Variants in GRIN2B observed in about 807,000 individuals in gnomAD.
The protein encoded by GRIN2B is glutamate receptor ionotropic, NMDA 2B.
GRIN2B carries 5 observed loss-of-function variants against 114.5 expected under a neutral mutation model. The observed-to-expected ratio is 0.04, with a 90% CI of 0.02 to 0.09. The LOEUF is 0.09. Ranked by LOEUF, GRIN2B falls within the 10% of genes least tolerant of loss-of-function variation. The pLI is 1.00. For synonymous variants in GRIN2B, 787 were observed against 745.1 expected (o/e 1.06, Z -0.92); for missense variants, 1,108 against 1,943.5 (o/e 0.57, Z 8.08).
intron 5 of GRIN2B, among the ~76,000 whole-genome samples, chr12:13,621,200 A>T (rs1949508943): frequency 6.6e-6 from 1 of 152,220 alleles, no homozygotes; most frequent in Admixed American, 6.5e-5. Context: ...AAGAGCAATG[A>T]AAAATAGTAA....
At chr12:13,835,465 A>G (rs528924419) in intron 3 of GRIN2B, among the ~76,000 whole-genome samples, 1 of 152,116 alleles carries the variant, frequency 6.6e-6, no homozygotes, top group East Asian at 1.9e-4. Flanking sequence ...TGCCATTCAC[A>G]AAAGGGTTTT....
chr12:13,957,805 A>T (rs548400923), intron 2 of GRIN2B, among the ~76,000 whole-genome samples: 1 of 152,282 alleles, frequency 6.6e-6, no homozygotes, highest in African/African-American at 2.4e-5. Context: ...CCACATTCTG[A>T]ATCTTCGTGG....
rs115300580 is a variant in GRIN2B at position 13,735,046 on chromosome 12, C to T, written c.1010+18271G>A. Among the ~76,000 whole-genome samples the T allele has an allele frequency of 2.3e-3, 350 of 152,166 alleles. 1 individual carries two copies. The highest frequency in any genetic ancestry group is 7.8e-3 in the African/African-American group (322 of 41,504). On this transcript the variant is annotated intron_variant, in intron 4 of 13. Transcript: ENST00000609686. The stretch of plus-strand genomic sequence containing the variant: ...TAAGCCCAATTATGAAGGTTAAGGC[C>T]GGATATTCAAAGGTCTTTTATGGCT...
chr12:13,761,655 CA>C (rs998602626), intron 3 of GRIN2B, among the ~76,000 whole-genome samples: 4 of 152,122 alleles, frequency 2.6e-5, no homozygotes, highest in Non-Finnish European at 4.4e-5. Flanking sequence ...TTCCTAAAAG[CA>C]ATCAAACCTA....
At chr12:13,707,461 C>A (rs1950370647) in intron 4 of GRIN2B, among the ~76,000 whole-genome samples, 1 of 152,108 alleles carries the variant, frequency 6.6e-6, no homozygotes, top group Non-Finnish European at 1.5e-5. Context: ...GGTAGATACT[C>A]ATAGAGATGC....
At chr12:13,769,069 T>C (rs1212141799) in intron 3 of GRIN2B, among the ~76,000 whole-genome samples, 1 of 152,068 alleles carries the variant, frequency 6.6e-6, no homozygotes, top group Non-Finnish European at 1.5e-5. Flanking sequence ...TAAACAGGTA[T>C]AAAGGCTACC....
At position 13,566,067 on chromosome 12, in the gene GRIN2B, A is replaced by C. The variant is rs376596048; in HGVS notation, c.2598+958T>G. ...AAGGAAGCAACATGGCTCAGGGATC[A>C]TCACCACCCCAAGTTCCAGCCTCCT... On this transcript the variant is annotated intron_variant, in intron 13 of 13. Coordinates refer to ENST00000609686, the MANE Select transcript of GRIN2B (RefSeq NM_000834.5). Among the ~76,000 whole-genome samples, 25 of 152,300 alleles carry C rather than the reference A, an allele frequency of 1.6e-4. No homozygotes were observed. In the East Asian group the frequency reaches 3.3e-3, roughly 20 times the overall value.
At chr12:13,609,759 C>A (rs1949339191) in intron 9 of GRIN2B, among the ~76,000 whole-genome samples, 1 of 141,912 alleles carries the variant, frequency 7.0e-6, no homozygotes, top group South Asian at 2.2e-4. Context: ...GGCAACAGAG[C>A]AAGACTCTGT....
At chr12:13,632,562 A>C (rs571484050) in intron 5 of GRIN2B, among the ~76,000 whole-genome samples, 3 of 152,328 alleles carry the variant, frequency 2.0e-5, no homozygotes, top group African/African-American at 7.2e-5. Context: ...TTTATCAGTG[A>C]ATTTCTGCAG....
chr12:13,828,188 G>A (rs566741313), intron 3 of GRIN2B, among the ~76,000 whole-genome samples: 1 of 152,186 alleles, frequency 6.6e-6, no homozygotes, highest in Admixed American at 6.5e-5. Context: ...ATTCAGGTTA[G>A]TTTGTTCCTC....
At chr12:13,566,900 T>C (rs1350235215) in intron 13 of GRIN2B, 125 bp downstream of exon 13, 2 of 757,378 alleles carry the variant, frequency 2.6e-6, no homozygotes, top group African/African-American at 1.7e-5. Context: ...AAAACATACA[T>C]GATGTGGTTT....
intron 4 of GRIN2B, among the ~76,000 whole-genome samples, chr12:13,732,683 G>A (rs1198554036): frequency 6.6e-6 from 1 of 152,162 alleles, no homozygotes; most frequent in Non-Finnish European, 1.5e-5. Flanking sequence ...GCTGGATCAT[G>A]TCTTTTCTAT....
chr12:13,960,866 T>C (rs1425352058), intron 2 of GRIN2B, among the ~76,000 whole-genome samples: 3 of 152,112 alleles, frequency 2.0e-5, no homozygotes, highest in Non-Finnish European at 1.5e-5. Flanking sequence ...AAGATAGACA[T>C]GAGTGTTTAT....
At chr12:13,977,016 T>C (rs761305737) in intron 2 of GRIN2B, among the ~76,000 whole-genome samples, 7 of 152,228 alleles carry the variant, frequency 4.6e-5, no homozygotes, top group Non-Finnish European at 1.0e-4. Context: ...ATTCCAAAGC[T>C]ATCTTTCTGG....
In GRIN2B at chr12:13,965,557, C is replaced by T. The variant is rs1027847607; in HGVS notation, c.-19+14371G>A. ...CTCATGCTAGAATCCAGATTACACA[C>T]CACACACACACACACACACACACGT... On this transcript the variant is annotated intron_variant, in intron 2 of 13. Transcript: ENST00000609686. Among the ~76,000 whole-genome samples the T allele has an allele frequency of 1.2e-4, 18 of 150,280 alleles. No homozygotes were observed. In the South Asian group the frequency reaches 3.6e-3, roughly 30 times the overall value.
At chr12:13,829,678 G>C (rs934104848) in intron 3 of GRIN2B, among the ~76,000 whole-genome samples, 1 of 152,202 alleles carries the variant, frequency 6.6e-6, no homozygotes, top group African/African-American at 2.4e-5. Context: ...ATTTCTAAGA[G>C]GGTGATGTGG....
At chr12:13,613,064 C>T (rs960463341) in intron 8 of GRIN2B, among the ~76,000 whole-genome samples, 1 of 152,110 alleles carries the variant, frequency 6.6e-6, no homozygotes, top group Non-Finnish European at 1.5e-5. Flanking sequence ...TTGATAAAGC[C>T]CCAGTGCTTA....
intron 4 of GRIN2B, among the ~76,000 whole-genome samples, chr12:13,737,542 C>A (rs1863207477): frequency 6.6e-6 from 1 of 152,126 alleles, no homozygotes; most frequent in South Asian, 2.1e-4. Context: ...AATGTGAAAT[C>A]TGAAGTTTGG....
At chr12:13,870,151 A>T (rs1215899152) in intron 2 of GRIN2B, among the ~76,000 whole-genome samples, 1 of 152,180 alleles carries the variant, frequency 6.6e-6, no homozygotes, top group East Asian at 1.9e-4. Flanking sequence ...CCTGAGCGAT[A>T]TAACTCCCTG....
Sources: allele counts gnomAD v4.1 joint callset (sites outside exome capture counted in the v4.1 genomes callset), GRCh38; gene constraint gnomAD v4.1.1; transcripts MANE v1.5; gene names NCBI Gene and HGNC (gene_info 2026-07-23, HGNC 2026-07-21).